Variants in DDAH1 observed in about 807,000 individuals in gnomAD.
The protein encoded by DDAH1 is N(G),N(G)-dimethylarginine dimethylaminohydrolase 1.
Under a neutral mutation model 28.8 loss-of-function variants are expected in DDAH1, and 19 were observed. That is an observed-to-expected ratio of 0.66 (90% CI 0.46 to 0.97). The LOEUF (loss-of-function observed/expected upper bound fraction) is 0.97. Ranked by LOEUF, DDAH1 falls within the 50% of genes least tolerant of loss-of-function variation. The pLI, the probability that DDAH1 is intolerant of heterozygous loss-of-function variation, is 0.00. For missense variants in DDAH1, 326 were observed against 375.9 expected (o/e 0.87, Z 1.10); for synonymous variants, 153 against 154.4 (o/e 0.99, Z 0.07).
At chr1:85,531,343 G>C (rs530509705) in intron 1 of DDAH1, among the ~76,000 whole-genome samples, 1 of 152,100 alleles carries the variant, frequency 6.6e-6, no homozygotes, top group South Asian at 2.1e-4. Context: ...AATGTAAAAA[G>C]GGTAGAATCT....
At chr1:85,386,578 T>TG (rs1490751384) in intron 1 of DDAH1, among the ~76,000 whole-genome samples, 2 of 152,206 alleles carry the variant, frequency 1.3e-5, no homozygotes, top group African/African-American at 4.8e-5. Flanking sequence ...TCTCATGAGT[T>TG]GGAGTCCAAT....
intron 1 of DDAH1, among the ~76,000 whole-genome samples, chr1:85,497,658 TG>T (rs1656647828): frequency 1.3e-5 from 2 of 152,226 alleles, no homozygotes; most frequent in African/African-American, 4.8e-5. Context: ...AACATTTAAA[TG>T]ATTAGGAAGT....
intron 1 of DDAH1, among the ~76,000 whole-genome samples, chr1:85,524,463 T>A (rs1433533950): frequency 1.3e-5 from 2 of 151,490 alleles, no homozygotes; most frequent in African/African-American, 4.9e-5. Flanking sequence ...ATGTTTGGTA[T>A]AAGCCTATCT....
At chr1:85,562,213 A>G (rs1328644625) in intron 1 of DDAH1, among the ~76,000 whole-genome samples, 1 of 152,202 alleles carries the variant, frequency 6.6e-6, no homozygotes, top group South Asian at 2.1e-4. Context: ...TAATGCAACA[A>G]TCTCACTGTA....
intron 1 of DDAH1, among the ~76,000 whole-genome samples, chr1:85,521,229 CA>C (rs1407710032): frequency 1.3e-5 from 2 of 151,700 alleles, no homozygotes; most frequent in Non-Finnish European, 2.9e-5. Context: ...CAGACAGCCA[CA>C]ACCACTGATT....
At chr1:85,414,682 GCT>G (rs1652808493) in intron 1 of DDAH1, among the ~76,000 whole-genome samples, 1 of 152,112 alleles carries the variant, frequency 6.6e-6, no homozygotes, top group South Asian at 2.1e-4. Context: ...AACCTACAAT[GCT>G]CTCTTTGTCT....
intron 1 of DDAH1, among the ~76,000 whole-genome samples, chr1:85,364,975 T>C (rs963368534): frequency 2.0e-5 from 3 of 152,206 alleles, no homozygotes; most frequent in African/African-American, 7.2e-5. Context: ...TATATTCTAA[T>C]TTTAGGACAA....
chr1:85,437,805 A>G (rs1333663412), intron 1 of DDAH1, among the ~76,000 whole-genome samples: 3 of 152,220 alleles, frequency 2.0e-5, no homozygotes, highest in Non-Finnish European at 1.5e-5. Flanking sequence ...CAGATTAACC[A>G]TTAATGTTAG....
intron 1 of DDAH1, among the ~76,000 whole-genome samples, chr1:85,458,456 G>T: frequency 7.9e-6 from 1 of 127,306 alleles, no homozygotes; most frequent in African/African-American, 3.1e-5. Context: ...TTTAGACAGA[G>T]TCTTGCTCTG....
At chr1:85,472,828 A>G (rs1378050650) in intron 2 of DDAH1, among the ~76,000 whole-genome samples, 1 of 152,084 alleles carries the variant, frequency 6.6e-6, no homozygotes, top group Non-Finnish European at 1.5e-5. Context: ...CCAAGTAGTG[A>G]ACATAGTACC....
intron 1 of DDAH1, among the ~76,000 whole-genome samples, chr1:85,412,775 C>T (rs1048143851): frequency 9.2e-5 from 14 of 152,234 alleles, no homozygotes; most frequent in African/African-American, 2.9e-4. Flanking sequence ...CCAAGACAGG[C>T]ACATTGCTTG....
At chr1:85,546,551 A>G (rs1480654908) in intron 1 of DDAH1, among the ~76,000 whole-genome samples, 1 of 152,196 alleles carries the variant, frequency 6.6e-6, no homozygotes, top group Non-Finnish European at 1.5e-5. Context: ...CAAGAACAGA[A>G]GGCAAACAAC....
intron 1 of DDAH1, among the ~76,000 whole-genome samples, chr1:85,432,538 C>T (rs1236575832): frequency 6.6e-6 from 1 of 152,114 alleles, no homozygotes; most frequent in Non-Finnish European, 1.5e-5. Context: ...TCAGTAGATT[C>T]CATCGTGCCT....
intron 2 of DDAH1, among the ~76,000 whole-genome samples, chr1:85,473,239 G>T (rs930062036): frequency 6.6e-6 from 1 of 152,150 alleles, no homozygotes; most frequent in Non-Finnish European, 1.5e-5. Flanking sequence ...GGTAGAAGGG[G>T]ATTGGGATTG....
intron 1 of DDAH1, among the ~76,000 whole-genome samples, chr1:85,455,512 C>A (rs1654846109): frequency 6.6e-6 from 1 of 151,932 alleles, no homozygotes; most frequent in South Asian, 2.1e-4. Context: ...TATTAGAAAA[C>A]TAACAGTTCA....
chr1:85,560,481 T>A (rs1659106914), intron 1 of DDAH1, among the ~76,000 whole-genome samples: 1 of 152,094 alleles, frequency 6.6e-6, no homozygotes, highest in Admixed American at 6.5e-5. Flanking sequence ...ATGGCGTTTG[T>A]AACATATATA....
chr1:85,512,301 C>A (rs189667262), intron 1 of DDAH1, among the ~76,000 whole-genome samples: 7 of 152,038 alleles, frequency 4.6e-5, no homozygotes, highest in Admixed American at 4.6e-4. Context: ...ATTCAACAGC[C>A]CTTCATGCTA....
Position 85,351,417 on chromosome 1 carries a change from AC to A in DDAH1, c.477+88del. ...ATTGTACAAAGCCAGTGAAGCGTAAACACCATTACTCATGACATTGATTCAA... is the reference window on the plus strand; with the variant it reads ...ATTGTACAAAGCCAGTGAAGCGTAAAACCATTACTCATGACATTGATTCAA... On this transcript the variant is annotated intron_variant, in intron 3 of 5. Transcript: ENST00000284031. 5.8e-6 allele frequency: 6 copies of A among 1,029,140 alleles called. No homozygotes were observed. In the South Asian group the frequency reaches 8.1e-5, roughly 14 times the overall value. 63.8% of individuals were successfully genotyped at this position (1,029,140 alleles called of 1,614,324 possible). A position where few individuals can be genotyped will look rare whatever the true frequency, so the allele number is the denominator to read the frequency against.
intron 3 of DDAH1, among the ~76,000 whole-genome samples, chr1:85,351,003 CCT>C (rs1190141837): frequency 6.6e-6 from 1 of 152,006 alleles, no homozygotes; most frequent in African/African-American, 2.4e-5. Context: ...ACAGGTGACC[CCT>C]GATTCCAATC....
Sources: gnomAD v4.1 joint callset for allele counts (sites outside exome capture counted in the v4.1 genomes callset) on GRCh38, gnomAD v4.1.1 for gene constraint, MANE v1.5 for transcripts, NCBI Gene and HGNC (gene_info 2026-07-23, HGNC 2026-07-21) for gene names.